The following ANKS1B variants were observed in gnomAD, a reference collection of about 807,000 sequenced individuals.
The protein encoded by ANKS1B is ankyrin repeat and sterile alpha motif domain containing 1B.
A neutral mutation model predicts 148.3 loss-of-function variants in ANKS1B; 36 were observed. The observed-to-expected ratio is 0.24, with a 90% CI of 0.19 to 0.32. The LOEUF is 0.32. Ranked by LOEUF, ANKS1B falls within the 10% of genes least tolerant of loss-of-function variation. The pLI, the probability that ANKS1B is intolerant of heterozygous loss-of-function variation, is 1.00. For missense variants in ANKS1B, 1,157 were observed against 1,542.6 expected (o/e 0.75, Z 4.19); for synonymous variants, 542 against 560.8 (o/e 0.97, Z 0.47).
intron 1 of ANKS1B, among the ~76,000 whole-genome samples, chr12:99,834,843 C>G (rs1012211827): frequency 3.3e-5 from 5 of 152,206 alleles, no homozygotes; most frequent in Admixed American, 1.3e-4. Context: ...GAAATTCATA[C>G]AGAATGTGCA....
chr12:99,334,969 G>A (rs2088475028), intron 12 of ANKS1B, among the ~76,000 whole-genome samples: 1 of 152,012 alleles, frequency 6.6e-6, no homozygotes, highest in African/African-American at 2.4e-5. Flanking sequence ...TAATCTCCCA[G>A]TTTCCCATCT....
chr12:99,330,220 G>A (rs954320184), intron 12 of ANKS1B, among the ~76,000 whole-genome samples: 1 of 151,908 alleles, frequency 6.6e-6, no homozygotes, highest in Non-Finnish European at 1.5e-5. Context: ...TTCTTCCTTA[G>A]GAGTTCTATC....
chr12:99,468,556 T>C (rs1349801094), intron 10 of ANKS1B, among the ~76,000 whole-genome samples: 1 of 152,168 alleles, frequency 6.6e-6, no homozygotes, highest in Non-Finnish European at 1.5e-5. Context: ...AAAGGGCTAA[T>C]ATCCAGAATC....
chr12:99,852,269 A>G (rs910283080), intron 1 of ANKS1B, among the ~76,000 whole-genome samples: 4 of 152,084 alleles, frequency 2.6e-5, no homozygotes, highest in Non-Finnish European at 5.9e-5. Context: ...CCTGACACTT[A>G]TGGTATTAAT....
intron 1 of ANKS1B, among the ~76,000 whole-genome samples, chr12:99,969,862 T>C (rs935555358): frequency 1.3e-5 from 2 of 152,222 alleles, no homozygotes; most frequent in Non-Finnish European, 2.9e-5. Context: ...GTACTGATTA[T>C]AAAACTACTG....
chr12:99,960,967 C>T (rs1220452480), intron 1 of ANKS1B, among the ~76,000 whole-genome samples: 1 of 152,144 alleles, frequency 6.6e-6, no homozygotes, highest in Admixed American at 6.5e-5. Context: ...ATGGCTCACA[C>T]CTGTAATCCC....
At chr12:99,673,250 C>A (rs1190064833) in intron 8 of ANKS1B, among the ~76,000 whole-genome samples, 2 of 152,060 alleles carry the variant, frequency 1.3e-5, no homozygotes, top group Non-Finnish European at 2.9e-5. Context: ...TCAAGACATA[C>A]TCAGGCAAAA....
intron 17 of ANKS1B, among the ~76,000 whole-genome samples, chr12:98,937,499 A>T (rs1363588715): frequency 2.0e-5 from 3 of 152,008 alleles, no homozygotes; most frequent in Non-Finnish European, 4.4e-5. Context: ...CTTTGCTTAT[A>T]CTACTCTTTT....
At chr12:99,602,696 G>C (rs976834677) in intron 9 of ANKS1B, among the ~76,000 whole-genome samples, 1 of 152,078 alleles carries the variant, frequency 6.6e-6, no homozygotes, top group Non-Finnish European at 1.5e-5. Flanking sequence ...TCAAGCTTTG[G>C]CTAATTTTAG....
chr12:99,141,979 G>A (rs1194807865), intron 15 of ANKS1B, among the ~76,000 whole-genome samples: 1 of 152,032 alleles, frequency 6.6e-6, no homozygotes, highest in Non-Finnish European at 1.5e-5. Flanking sequence ...TTCCCATGGA[G>A]CAAGCTTTCT....
chr12:98,860,957 T>A (rs1366550684), intron 17 of ANKS1B, among the ~76,000 whole-genome samples: 2 of 152,206 alleles, frequency 1.3e-5, no homozygotes, highest in East Asian at 3.8e-4. Context: ...TTCCTCTTCA[T>A]TGATATAATT....
intron 14 of ANKS1B, among the ~76,000 whole-genome samples, chr12:99,240,484 G>A (rs559658698): frequency 6.6e-6 from 1 of 152,226 alleles, no homozygotes; most frequent in African/African-American, 2.4e-5. Context: ...ACACCCCACT[G>A]CCAATATTAG....
At chr12:98,894,514 C>G (rs373007176) in intron 17 of ANKS1B, 5 of 955,108 alleles carry the variant, frequency 5.2e-6, no homozygotes, top group East Asian at 2.3e-4. Context: ...CGCAGCCTTC[C>G]CGGCTTGCCC....
Position 99,146,337 on chromosome 12 carries a change from T to G in ANKS1B, c.2526+7952A>C, listed in dbSNP as rs368947330. ...AGGGCTAAGAACAGAGCACCGTGGG[T>G]GCACAGAGGAGGGACAGTTACGCCA... On this transcript the variant is annotated intron_variant, in intron 15 of 26. Coordinates refer to ENST00000683438, the MANE Select transcript of ANKS1B (RefSeq NM_001352186.2). Among the ~76,000 whole-genome samples, 25 of 152,164 alleles carry G rather than the reference T, an allele frequency of 1.6e-4. No homozygotes were observed. In the East Asian group the frequency reaches 4.9e-3, roughly 30 times the overall value.
intron 17 of ANKS1B, among the ~76,000 whole-genome samples, chr12:98,834,996 G>T (rs187434528): frequency 2.0e-5 from 3 of 152,034 alleles, no homozygotes; most frequent in Non-Finnish European, 2.9e-5. Context: ...AATCTTCACC[G>T]CCTTTCTCCC....
At chr12:99,107,877 G>C (rs191278498) in intron 15 of ANKS1B, among the ~76,000 whole-genome samples, 2 of 150,632 alleles carry the variant, frequency 1.3e-5, no homozygotes, top group South Asian at 2.1e-4. Flanking sequence ...TAGACGAAGA[G>C]AGAAATAAAC....
chr12:99,920,591 C>T (rs552501023), intron 1 of ANKS1B, among the ~76,000 whole-genome samples: 1 of 152,150 alleles, frequency 6.6e-6, no homozygotes, highest in Admixed American at 6.6e-5. Flanking sequence ...TTCATTCATA[C>T]TTTACATAGT....
chr12:99,175,847 AT>A (rs2078318999), intron 14 of ANKS1B, among the ~76,000 whole-genome samples: 1 of 151,940 alleles, frequency 6.6e-6, no homozygotes, highest in Non-Finnish European at 1.5e-5. Flanking sequence ...TTATTTACTT[AT>A]TTTTAATTTT....
intron 9 of ANKS1B, chr12:99,648,207 G>A (rs375580075): frequency 4.1e-5 from 66 of 1,613,986 alleles, no homozygotes; most frequent in Middle Eastern, 1.6e-4. Flanking sequence ...CGTATTACAC[G>A]GCCCAAAGCA....
Sources: allele counts gnomAD v4.1 joint callset (sites outside exome capture counted in the v4.1 genomes callset), GRCh38; gene constraint gnomAD v4.1.1; transcripts MANE v1.5; gene names NCBI Gene and HGNC (gene_info 2026-07-23, HGNC 2026-07-21).